The following PAPOLA variants were observed in gnomAD, a reference collection of about 807,000 sequenced individuals.
PAPOLA encodes polynucleotide adenylyltransferase alpha.
PAPOLA carries 15 observed loss-of-function variants against 100.6 expected under a neutral mutation model. That is an observed-to-expected ratio of 0.15 (90% CI 0.10 to 0.23). The LOEUF (loss-of-function observed/expected upper bound fraction) is 0.23. Among genes scored for constraint, PAPOLA ranks in the 10% least tolerant of loss-of-function variants. The probability of loss-of-function intolerance (pLI) is 1.00; values close to 1 mark genes in which losing one functional copy is unlikely to be tolerated. For missense variants in PAPOLA, 533 were observed against 884.2 expected, an observed-to-expected ratio of 0.60 and a Z score of 5.04; for synonymous variants, 293 against 300.0, an observed-to-expected ratio of 0.98 and a Z score of 0.24.
intron 1 of PAPOLA, among the ~76,000 whole-genome samples, chr14:96,518,450 C>T (rs1246216622): frequency 6.6e-6 from 1 of 151,884 alleles, no homozygotes; most frequent in Non-Finnish European, 1.5e-5. Context: ...GCTCTGTCCC[C>T]CAGGCTGGAG....
At chr14:96,507,071 GCCATCT>G (rs1260655552) in intron 1 of PAPOLA, among the ~76,000 whole-genome samples, 1 of 152,118 alleles carries the variant, frequency 6.6e-6, no homozygotes, top group Non-Finnish European at 1.5e-5. Flanking sequence ...GGGTGACATA[GCCATCT>G]CCACAAAACA....
chr14:96,537,010 G>A lies in PAPOLA; in HGVS notation c.1065G>A (p.Lys355=). 1.2e-6 allele frequency: 2 copies of A among 1,610,062 alleles called. No homozygotes were observed. The change falls in exon 12 of 22, where the codon AAG becomes AAA. Residue 355 remains lysine, a synonymous_variant. Transcript: ENST00000216277. Reference sequence around the variant, plus strand: ...TCACAGATGAAATTTTGCTGAGTAAGGCAGAGTGGTCCAAACTTTTTGAAG... The same window carrying A: ...TCACAGATGAAATTTTGCTGAGTAAAGCAGAGTGGTCCAAACTTTTTGAAG... ...LAITDEILLS[K]AEWSKLFEAP...
At chr14:96,532,856 C>G (rs1372314918) in intron 9 of PAPOLA, 9 of 1,282,824 alleles carry the variant, frequency 7.0e-6, no homozygotes, top group Non-Finnish European at 8.8e-6. Flanking sequence ...AAGGCAGATT[C>G]TATTTGTACT....
In PAPOLA at chr14:96,502,497, C is replaced by A; in HGVS notation, c.-96C>A. 4 of 917,632 alleles carry A rather than the reference C, an allele frequency of 4.4e-6. No individual in the cohort carries two copies. The highest frequency in any genetic ancestry group is 6.6e-6 in the Non-Finnish European group (4 of 605,156). 56.8% of individuals were successfully genotyped at this position (917,632 alleles called of 1,614,324 possible). A position where few individuals can be genotyped will look rare whatever the true frequency, so the allele number is the denominator to read the frequency against. ...GGGTTGGACCCAGGGCTGAGGCAGG[C>A]CCCCCCCTCCCTCCCGCCTCAGTGG... On this transcript the variant is annotated 5_prime_UTR_variant, in exon 1 of 22. Coordinates refer to ENST00000216277, the MANE Select transcript of PAPOLA (RefSeq NM_032632.5).
chr14:96,531,804 T>C, intron 7 of PAPOLA: 1 of 1,418,826 alleles, frequency 7.0e-7, no homozygotes, highest in African/African-American at 1.5e-5. Context: ...ATTAATGGTA[T>C]ACTCAGGACA....
At chr14:96,556,448 C>A in intron 19 of PAPOLA, 35 bp downstream of exon 19, 1 of 1,288,710 alleles carries the variant, frequency 7.8e-7, no homozygotes, top group Non-Finnish European at 1.1e-6. Flanking sequence ...TTAGCCATGG[C>A]AACACCAACT....
At chr14:96,536,357 C>G (rs561948767) in intron 11 of PAPOLA, among the ~76,000 whole-genome samples, 81 of 152,060 alleles carry the variant, frequency 5.3e-4, no homozygotes, top group African/African-American at 1.9e-3. Context: ...AGGAATGGGG[C>G]CAAACCACCC....
At chr14:96,537,091 G>T (rs776914045) in intron 12 of PAPOLA, 31 bp downstream of exon 12, 2 of 1,139,706 alleles carry the variant, frequency 1.8e-6, no homozygotes, top group South Asian at 2.5e-5. Context: ...CGGACATGTT[G>T]CTCTCTTAAG....
chr14:96,520,372 A>G, intron 2 of PAPOLA, 144 bp downstream of exon 2: 1 of 641,636 alleles, frequency 1.6e-6, no homozygotes, highest in Admixed American at 3.2e-5. Flanking sequence ...AGGGATACTT[A>G]AGAGAGAAAA....
intron 15 of PAPOLA, among the ~76,000 whole-genome samples, chr14:96,545,437 G>A (rs531240094): frequency 1.1e-4 from 16 of 152,154 alleles, no homozygotes; most frequent in African/African-American, 3.6e-4. Context: ...CACCAGCAGC[G>A]TTAGCATTGG....
intron 9 of PAPOLA, chr14:96,534,181 A>G (rs1158363998): frequency 1.4e-5 from 16 of 1,129,044 alleles, no homozygotes; most frequent in Non-Finnish European, 1.7e-5. Flanking sequence ...ATTCTGTTCA[A>G]GGTTGAAGTG....
chr14:96,514,030 A>G (rs892155060), intron 1 of PAPOLA, among the ~76,000 whole-genome samples: 3 of 152,202 alleles, frequency 2.0e-5, no homozygotes, highest in Non-Finnish European at 4.4e-5. Context: ...TGGACAGTCA[A>G]AGCCATTTGA....
intron 14 of PAPOLA, 121 bp downstream of exon 14, chr14:96,543,014 AT>A: frequency 1.0e-6 from 1 of 971,300 alleles, no homozygotes; most frequent in Non-Finnish European, 1.5e-6. Context: ...CTTATAGACA[AT>A]TTAGAACTTA....
chr14:96,519,091 T>C (rs1323562684), intron 1 of PAPOLA, among the ~76,000 whole-genome samples: 1 of 150,218 alleles, frequency 6.7e-6, no homozygotes, highest in East Asian at 2.0e-4. Flanking sequence ...GTGTGTAAAA[T>C]ACACTTTTTT....
intron 1 of PAPOLA, among the ~76,000 whole-genome samples, chr14:96,517,125 A>C (rs1291655056): frequency 6.6e-6 from 1 of 152,234 alleles, no homozygotes; most frequent in East Asian, 1.9e-4. Context: ...ATTTCAGCTT[A>C]TACTTGACTT....
chr14:96,538,803 A>G (rs1335757769), intron 12 of PAPOLA, among the ~76,000 whole-genome samples: 2 of 152,046 alleles, frequency 1.3e-5, no homozygotes, highest in Admixed American at 6.5e-5. Context: ...AAATACTCCA[A>G]AGATTGACTG....
At chr14:96,537,430 A>G (rs1484251) in intron 12 of PAPOLA, 42,558 of 168,170 alleles carry the variant, frequency 0.25, 5,945 homozygotes, top group African/African-American at 0.39. Context: ...CTGGAAACTC[A>G]TTAATTGCTA....
At chr14:96,525,577 AAAG>A (rs386780415) in intron 4 of PAPOLA, among the ~76,000 whole-genome samples, 186 bp downstream of exon 4, 43 of 152,242 alleles carry the variant, frequency 2.8e-4, no homozygotes, top group African/African-American at 9.6e-4. Context: ...CCACTGTCCA[AAAG>A]TATTATTAAG....
At chr14:96,517,090 T>C (rs1472047408) in intron 1 of PAPOLA, among the ~76,000 whole-genome samples, 1 of 152,228 alleles carries the variant, frequency 6.6e-6, no homozygotes, top group African/African-American at 2.4e-5. Flanking sequence ...AATAGAAGTT[T>C]ATTGCTTGAA....
Sources: gnomAD v4.1 joint callset for allele counts (sites outside exome capture counted in the v4.1 genomes callset) on GRCh38, gnomAD v4.1.1 for gene constraint, MANE v1.5 for transcripts, NCBI Gene and HGNC (gene_info 2026-07-23, HGNC 2026-07-21) for gene names.